CDH18: variants seen among roughly 807,000 people sequenced by gnomAD.
CDH18 encodes the protein cadherin 18.
A neutral mutation model predicts 67.9 loss-of-function variants in CDH18; 31 were observed. The observed-to-expected ratio is 0.46, with a 90% CI of 0.34 to 0.62. The LOEUF is 0.62. CDH18 is among the 20% of genes least tolerant of loss of function. The pLI is 0.01. For missense variants in CDH18, 890 were observed against 975.5 expected (o/e 0.91, Z 1.17); for synonymous variants, 362 against 347.2 (o/e 1.04, Z -0.48).
intron 1 of CDH18, among the ~76,000 whole-genome samples, chr5:20,390,898 A>G (rs1295989128): frequency 6.6e-6 from 1 of 152,042 alleles, no homozygotes; most frequent in African/African-American, 2.4e-5. Flanking sequence ...CAAAAAACCA[A>G]ACACATGTTC....
chr5:19,961,412 C>T (rs1367893010), intron 2 of CDH18, among the ~76,000 whole-genome samples: 1 of 151,902 alleles, frequency 6.6e-6, no homozygotes, highest in Non-Finnish European at 1.5e-5. Context: ...CAGCCAACTA[C>T]ATTATAATCT....
At chr5:20,125,749 A>G (rs6875500) in intron 2 of CDH18, among the ~76,000 whole-genome samples, 2,815 of 152,218 alleles carry the variant, frequency 0.018, 92 homozygotes, top group African/African-American at 0.063. Flanking sequence ...GTTGAGGCAG[A>G]CTTCACGCTG....
At chr5:20,452,938 C>T (rs542469156) in intron 1 of CDH18, among the ~76,000 whole-genome samples, 2 of 152,020 alleles carry the variant, frequency 1.3e-5, no homozygotes, top group African/African-American at 2.4e-5. Context: ...ACCACACCAA[C>T]GATAGAGAAT....
At chr5:20,471,932 G>C (rs1259596722) in intron 1 of CDH18, among the ~76,000 whole-genome samples, 2 of 344 alleles carry the variant, frequency 5.8e-3, no homozygotes, top group Non-Finnish European at 0.015. Context: ...TCATATCTCA[G>C]GCAATACTCC....
At chr5:19,795,288 G>A (rs968239569) in intron 3 of CDH18, among the ~76,000 whole-genome samples, 1 of 152,172 alleles carries the variant, frequency 6.6e-6, no homozygotes, top group Non-Finnish European at 1.5e-5. Flanking sequence ...CCAGAAGCAT[G>A]TTTGACTTCG....
At chr5:20,048,652 T>TC (rs1012078383) in intron 2 of CDH18, among the ~76,000 whole-genome samples, 2 of 151,496 alleles carry the variant, frequency 1.3e-5, no homozygotes, top group East Asian at 1.9e-4. Context: ...TTCTACAGAA[T>TC]CCCCCCTGGA....
At chr5:20,405,347 T>C (rs1746148050) in intron 1 of CDH18, among the ~76,000 whole-genome samples, 1 of 152,208 alleles carries the variant, frequency 6.6e-6, no homozygotes, top group South Asian at 2.1e-4. Context: ...GAGGATTCCC[T>C]ATTTAATAAA....
At chr5:19,573,662 A>T (rs776759515) in intron 7 of CDH18, among the ~76,000 whole-genome samples, 22 of 152,110 alleles carry the variant, frequency 1.4e-4, no homozygotes, top group Non-Finnish European at 2.8e-4. Flanking sequence ...ACAAGTGAGA[A>T]TTTGCCTATG....
intron 2 of CDH18, among the ~76,000 whole-genome samples, chr5:19,862,802 A>G (rs1785043504): frequency 6.6e-6 from 1 of 152,186 alleles, no homozygotes; most frequent in Admixed American, 6.5e-5. Context: ...GGCTCCAGCC[A>G]GTGGGATTTT....
chr5:19,544,019 GAGA>G lies in CDH18; in HGVS notation c.1254-17_1254-15del. On this transcript the variant is annotated splice_polypyrimidine_tract_variant and intron_variant, in intron 8 of 12. Coordinates refer to ENST00000382275, the MANE Select transcript of CDH18 (RefSeq NM_004934.5). ...TTGATGAAGTATCTAGAGAAAAAAAGAGAAGTTTTTACTTGATGTTATAATGAA... is the reference window on the plus strand; with the variant it reads ...TTGATGAAGTATCTAGAGAAAAAAAGAGTTTTTACTTGATGTTATAATGAA... The G allele has an allele frequency of 6.7e-7, 1 of 1,494,918 alleles. No homozygotes were observed. The highest frequency in any genetic ancestry group is 1.9e-5 in the Admixed American group (1 of 52,500). The allele number at this position is 1,494,918 out of a possible 1,614,324, so 92.6% of individuals were successfully genotyped here. A position where few individuals can be genotyped will look rare whatever the true frequency, so the allele number is the denominator to read the frequency against.
At chr5:19,908,027 C>A (rs1790713842) in intron 2 of CDH18, among the ~76,000 whole-genome samples, 1 of 151,684 alleles carries the variant, frequency 6.6e-6, no homozygotes, top group Non-Finnish European at 1.5e-5. Flanking sequence ...TATTATTTCT[C>A]AATGACGTTT....
intron 2 of CDH18, among the ~76,000 whole-genome samples, chr5:20,219,007 A>G (rs1387069632): frequency 6.6e-6 from 1 of 152,030 alleles, no homozygotes; most frequent in African/African-American, 2.4e-5. Flanking sequence ...TTAGAAGAAA[A>G]TAAGTAACAA....
chr5:19,648,252 TA>T (rs947647802), intron 5 of CDH18, among the ~76,000 whole-genome samples: 1 of 150,838 alleles, frequency 6.6e-6, no homozygotes, highest in Admixed American at 6.6e-5. Flanking sequence ...CCGTCTCTAC[TA>T]AAAATACAAA....
intron 2 of CDH18, among the ~76,000 whole-genome samples, chr5:19,896,511 T>C (rs1294194790): frequency 6.6e-6 from 1 of 152,102 alleles, no homozygotes; most frequent in African/African-American, 2.4e-5. Flanking sequence ...TGGCATGCAA[T>C]GACACCAGCC....
chr5:20,195,332 T>G (rs1463642840), intron 2 of CDH18, among the ~76,000 whole-genome samples: 3 of 152,076 alleles, frequency 2.0e-5, no homozygotes, highest in Non-Finnish European at 4.4e-5. Flanking sequence ...TTTATTTGCA[T>G]TATGTCTCTA....
chr5:20,334,040 G>A (rs183992097), intron 1 of CDH18, among the ~76,000 whole-genome samples: 1 of 151,538 alleles, frequency 6.6e-6, no homozygotes. Flanking sequence ...GGAATGAGTA[G>A]AGGAAGAAGA....
chr5:20,382,057 G>A (rs1743953140), intron 1 of CDH18, among the ~76,000 whole-genome samples: 1 of 152,040 alleles, frequency 6.6e-6, no homozygotes, highest in African/African-American at 2.4e-5. Context: ...AAAATATGTA[G>A]TATTTATGTT....
chr5:19,590,972 C>T (rs111800195), intron 7 of CDH18, 85 bp downstream of exon 7: 10 of 689,196 alleles, frequency 1.5e-5, no homozygotes, highest in Middle Eastern at 3.9e-4. Context: ...GGCCTGACAG[C>T]GTGGATTATT....
intron 5 of CDH18, among the ~76,000 whole-genome samples, chr5:19,656,490 T>C (rs982235196): frequency 2.6e-5 from 4 of 152,118 alleles, no homozygotes; most frequent in Non-Finnish European, 4.4e-5. Context: ...AGTTTAGAAA[T>C]ACATTTTCTT....
Sources: allele counts gnomAD v4.1 joint callset (sites outside exome capture counted in the v4.1 genomes callset), GRCh38; gene constraint gnomAD v4.1.1; transcripts MANE v1.5; gene names NCBI Gene and HGNC (gene_info 2026-07-23, HGNC 2026-07-21).